The following FAM107B variants were observed in gnomAD, a reference collection of about 807,000 sequenced individuals.
FAM107B encodes protein FAM107B.
A neutral mutation model predicts 31.5 loss-of-function variants in FAM107B; 21 were observed. The observed-to-expected ratio is 0.67, with a 90% CI of 0.47 to 0.96. The LOEUF (loss-of-function observed/expected upper bound fraction) is 0.96, where lower values mean the gene tolerates loss of function less well. Ranked by LOEUF, FAM107B falls within the 40% of genes least tolerant of loss-of-function variation. The pLI is 0.00. For synonymous variants in FAM107B, 157 were observed against 141.5 expected (o/e 1.11, Z -0.78); for missense variants, 452 against 377.1 (o/e 1.20, Z -1.64).
intron 1 of FAM107B, among the ~76,000 whole-genome samples, chr10:14,671,399 G>A (rs1854537422): frequency 6.6e-6 from 1 of 152,104 alleles, no homozygotes; most frequent in South Asian, 2.1e-4. Context: ...ACTCTTACTA[G>A]GTCAGAGTCC....
At chr10:14,677,274 T>C (rs377119538) in intron 1 of FAM107B, among the ~76,000 whole-genome samples, 1 of 152,092 alleles carries the variant, frequency 6.6e-6, no homozygotes, top group Non-Finnish European at 1.5e-5. Context: ...ACCCGTGATA[T>C]AAAGCACTAC....
intron 1 of FAM107B, among the ~76,000 whole-genome samples, chr10:14,676,343 T>C (rs1854682687): frequency 6.6e-6 from 1 of 152,166 alleles, no homozygotes; most frequent in Non-Finnish European, 1.5e-5. Flanking sequence ...TGTGTTTAGT[T>C]TTCCAGGGAA....
Position 14,562,726 on chromosome 10 carries a change from G to T in FAM107B, c.470-32211C>A, listed in dbSNP as rs76500583. 7.0e-3 allele frequency among the ~76,000 whole-genome samples: 1,066 copies of T among 152,304 alleles called. 13 individuals are homozygous for T. Among genetic ancestry groups the T allele is most frequent in the African/African-American group, 0.025 (1,034 of 41,544 alleles). ...GGGAACTAATCCCCAGATGTGAGCT[G>T]CCCTTTGCATTTCTGAAGCCACTTG... On this transcript the variant is annotated intron_variant, in intron 2 of 4. Coordinates refer to ENST00000181796, the MANE Select transcript of FAM107B (RefSeq NM_031453.4).
chr10:14,582,988 A>T (rs1214115739), intron 2 of FAM107B, among the ~76,000 whole-genome samples: 5 of 151,546 alleles, frequency 3.3e-5, no homozygotes, highest in Non-Finnish European at 7.4e-5. Context: ...TGGGAGGCTA[A>T]GGCAGGAGAA....
intron 2 of FAM107B, among the ~76,000 whole-genome samples, chr10:14,541,643 C>T (rs1848215079): frequency 1.3e-5 from 2 of 152,222 alleles, no homozygotes; most frequent in African/African-American, 4.8e-5. Context: ...AGGCACTTCC[C>T]CGCCTGTGGG....
intron 1 of FAM107B, among the ~76,000 whole-genome samples, chr10:14,742,567 C>A (rs550418151): frequency 6.6e-6 from 1 of 152,134 alleles, no homozygotes; most frequent in Non-Finnish European, 1.5e-5. Context: ...ACTAAATATT[C>A]GTGAAATGCC....
intron 2 of FAM107B, among the ~76,000 whole-genome samples, chr10:14,598,986 A>G (rs1466449122): frequency 6.6e-6 from 1 of 151,708 alleles, no homozygotes; most frequent in African/African-American, 2.4e-5. Flanking sequence ...CCGTTCAGCA[A>G]CTCCACTCCT....
chr10:14,551,301 T>C (rs1420223912), intron 2 of FAM107B, among the ~76,000 whole-genome samples: 2 of 152,072 alleles, frequency 1.3e-5, no homozygotes, highest in African/African-American at 4.8e-5. Flanking sequence ...GCGCCCACCA[T>C]GCCCGCCTAA....
intron 2 of FAM107B, among the ~76,000 whole-genome samples, chr10:14,631,985 A>T (rs1185626020): frequency 6.6e-6 from 1 of 152,144 alleles, no homozygotes; most frequent in African/African-American, 2.4e-5. Flanking sequence ...CATTAGGACC[A>T]TTGGAATCCT....
At chr10:14,576,695 T>A (rs568364605) in intron 2 of FAM107B, among the ~76,000 whole-genome samples, 4 of 152,298 alleles carry the variant, frequency 2.6e-5, no homozygotes, top group African/African-American at 9.6e-5. Flanking sequence ...ATTCTAACAG[T>A]GCAAACACAT....
At chr10:14,571,645 T>A (rs1234514126) in intron 2 of FAM107B, 2 of 430,974 alleles carry the variant, frequency 4.6e-6, no homozygotes, top group East Asian at 3.1e-4. Context: ...ACATATAATT[T>A]TTATTTAGTC....
At chr10:14,694,843 C>T (rs1156598421) in intron 1 of FAM107B, among the ~76,000 whole-genome samples, 1 of 152,032 alleles carries the variant, frequency 6.6e-6, no homozygotes. Context: ...TTTTTTAAAT[C>T]AGGTTATTTA....
chr10:14,562,162 A>G (rs1431929503), intron 2 of FAM107B, among the ~76,000 whole-genome samples: 2 of 152,264 alleles, frequency 1.3e-5, no homozygotes, highest in East Asian at 3.8e-4. Context: ...TTTCAAATGT[A>G]ATGATGATAT....
intron 1 of FAM107B, among the ~76,000 whole-genome samples, chr10:14,767,281 A>T: frequency 6.6e-6 from 1 of 150,960 alleles, no homozygotes; most frequent in Admixed American, 6.6e-5. Context: ...TAGTAGAGAC[A>T]GGGTTTCACC....
chr10:14,664,466 T>A (rs1264923281), intron 2 of FAM107B, among the ~76,000 whole-genome samples: 1 of 152,210 alleles, frequency 6.6e-6, no homozygotes, highest in Non-Finnish European at 1.5e-5. Context: ...TATACTACTG[T>A]ATTTTTTACT....
intron 2 of FAM107B, among the ~76,000 whole-genome samples, chr10:14,571,491 C>T (rs1057415142): frequency 6.6e-6 from 1 of 151,998 alleles, no homozygotes; most frequent in Non-Finnish European, 1.5e-5. Flanking sequence ...AAGTAAAAGG[C>T]GACTCATCCA....
chr10:14,714,627 C>T (rs1855740476), intron 1 of FAM107B, among the ~76,000 whole-genome samples: 1 of 152,146 alleles, frequency 6.6e-6, no homozygotes, highest in Non-Finnish European at 1.5e-5. Flanking sequence ...ATCAACACCA[C>T]CGCTCCCTTA....
chr10:14,591,677 C>T (rs571712874), intron 2 of FAM107B, among the ~76,000 whole-genome samples: 1 of 152,310 alleles, frequency 6.6e-6, no homozygotes, highest in South Asian at 2.1e-4. Flanking sequence ...CACCACAGGA[C>T]CCCAACGCTC....
Position 14,522,035 on chromosome 10 carries a change from A to C in FAM107B, c.654-16T>G, listed in dbSNP as rs540697893. Reference sequence around the variant, plus strand: ...AGCAAGACCCCTGCGAAAGAGCATTAACAAAAATAGAAAACGTTAATCTAA... The same window carrying C: ...AGCAAGACCCCTGCGAAAGAGCATTCACAAAAATAGAAAACGTTAATCTAA... On this transcript the variant is annotated splice_polypyrimidine_tract_variant and intron_variant, in intron 3 of 4. Coordinates refer to ENST00000181796, the MANE Select transcript of FAM107B (RefSeq NM_031453.4). The C allele has an allele frequency of 3.6e-5, 57 of 1,593,798 alleles. No homozygotes were observed. In the South Asian group the frequency reaches 5.8e-4, roughly 16 times the overall value.
Sources: gnomAD v4.1 joint callset for allele counts (sites outside exome capture counted in the v4.1 genomes callset) on GRCh38, gnomAD v4.1.1 for gene constraint, MANE v1.5 for transcripts, NCBI Gene and HGNC (gene_info 2026-07-23, HGNC 2026-07-21) for gene names.